Variants in ERC1 observed in about 807,000 individuals in gnomAD.
The protein encoded by ERC1 is RAB6 interacting protein 2.
ERC1 carries 56 observed loss-of-function variants against 132.0 expected under a neutral mutation model. That is an observed-to-expected ratio of 0.42 (90% CI 0.34 to 0.53). The LOEUF (loss-of-function observed/expected upper bound fraction) is 0.53. Ranked by LOEUF, ERC1 falls within the 20% of genes least tolerant of loss-of-function variation. ERC1 has a pLI of 0.03. For synonymous variants in ERC1, 478 were observed against 476.1 expected (o/e 1.00, Z -0.05); for missense variants, 1,202 against 1,349.9 (o/e 0.89, Z 1.72).
chr12:1,053,848 T>C lies in ERC1; in HGVS notation c.669+25276T>C, dbSNP rs1270128357. Among the ~76,000 whole-genome samples, 3 of 152,340 alleles carry C rather than the reference T, an allele frequency of 2.0e-5. No homozygotes were observed. In the East Asian group the frequency reaches 5.8e-4, roughly 29 times the overall value. On this transcript the variant is annotated intron_variant, in intron 2 of 18. Coordinates refer to ENST00000360905, the MANE Select transcript of ERC1 (RefSeq NM_178040.4). ...ATGAAAGCAAATACTTTGCAAATTA[T>C]GGTATGTTTGCTTCAGTTTTCAAAA...
chr12:1,451,656 T>A (rs1053708264), intron 18 of ERC1, among the ~76,000 whole-genome samples: 7 of 152,232 alleles, frequency 4.6e-5, no homozygotes, highest in African/African-American at 1.7e-4. Flanking sequence ...AAATAAATTT[T>A]AAAAAAGAAC....
At chr12:1,307,479 A>T (rs1394075485) in intron 15 of ERC1, among the ~76,000 whole-genome samples, 1 of 152,190 alleles carries the variant, frequency 6.6e-6, no homozygotes, top group East Asian at 1.9e-4. Context: ...CATTGGTTTG[A>T]AGGAGTTTTT....
At chr12:1,020,035 T>C (rs1966106025) in intron 1 of ERC1, among the ~76,000 whole-genome samples, 1 of 152,106 alleles carries the variant, frequency 6.6e-6, no homozygotes, top group Non-Finnish European at 1.5e-5. Context: ...ATTACAGGCA[T>C]GGGCCACTGT....
chr12:1,262,088 G>C (rs919708752), intron 13 of ERC1, among the ~76,000 whole-genome samples: 3 of 152,136 alleles, frequency 2.0e-5, no homozygotes, highest in African/African-American at 7.2e-5. Flanking sequence ...ATCTTTTCCT[G>C]ATATGAGTAC....
intron 2 of ERC1, among the ~76,000 whole-genome samples, chr12:1,061,435 TA>T (rs35881682): frequency 0.51 from 71,522 of 140,826 alleles, 19,360 homozygotes; most frequent in East Asian, 0.78. Context: ...GTCTCTACTA[TA>T]AAAAAAAAAA....
At chr12:1,447,037 A>G (rs1212598255) in intron 18 of ERC1, among the ~76,000 whole-genome samples, 1 of 151,880 alleles carries the variant, frequency 6.6e-6, no homozygotes, top group East Asian at 1.9e-4. Context: ...ACGAAAAAAA[A>G]AAAAAGGACA....
intron 15 of ERC1, among the ~76,000 whole-genome samples, chr12:1,328,932 G>T (rs1223472114): frequency 8.0e-6 from 1 of 125,376 alleles, no homozygotes; most frequent in Non-Finnish European, 1.7e-5. Context: ...TTTCATTCTT[G>T]GAACTTTTTA....
chr12:1,124,070 G>T (rs893043663), intron 7 of ERC1, among the ~76,000 whole-genome samples: 1 of 152,188 alleles, frequency 6.6e-6, no homozygotes, highest in Non-Finnish European at 1.5e-5. Context: ...ATGTGCTCCT[G>T]TCAGAATTTG....
chr12:1,316,648 G>A lies in ERC1; in HGVS notation c.2780+26636G>A, dbSNP rs1023246381. Among the ~76,000 whole-genome samples, 3 of 152,216 alleles carry A rather than the reference G, an allele frequency of 2.0e-5. No homozygotes were observed. The East Asian group carries it at 5.8e-4, about 29-fold the overall frequency. ...ATACTGTTGGTGGGAGTGTAAATTAGTTCAACCATTGTGGAAGACACTGTG... is the reference window on the plus strand; with the variant it reads ...ATACTGTTGGTGGGAGTGTAAATTAATTCAACCATTGTGGAAGACACTGTG... On this transcript the variant is annotated intron_variant, in intron 15 of 18. Transcript: ENST00000360905.
intron 16 of ERC1, among the ~76,000 whole-genome samples, chr12:1,377,252 C>G (rs1250183543): frequency 6.6e-6 from 1 of 152,202 alleles, no homozygotes; most frequent in East Asian, 1.9e-4. Context: ...TTTTCAGTCT[C>G]TCTTGTGGCA....
intron 12 of ERC1, among the ~76,000 whole-genome samples, chr12:1,236,407 C>G (rs2075415505): frequency 6.6e-6 from 1 of 152,116 alleles, no homozygotes; most frequent in South Asian, 2.1e-4. Context: ...CTTTTTCTAT[C>G]AGCCATTCTA....
intron 8 of ERC1, among the ~76,000 whole-genome samples, chr12:1,157,892 C>T (rs141099757): frequency 6.6e-6 from 1 of 152,328 alleles, no homozygotes; most frequent in East Asian, 1.9e-4. Flanking sequence ...TATGGCCCCA[C>T]ATTAACTCAA....
At chr12:1,206,044 C>T (rs1957326066) in intron 12 of ERC1, among the ~76,000 whole-genome samples, 1 of 152,114 alleles carries the variant, frequency 6.6e-6, no homozygotes, top group South Asian at 2.1e-4. Flanking sequence ...TACCCAGCAG[C>T]AAATGCCATT....
At chr12:1,082,852 A>T (rs1942429229) in intron 2 of ERC1, among the ~76,000 whole-genome samples, 1 of 152,088 alleles carries the variant, frequency 6.6e-6, no homozygotes, top group Non-Finnish European at 1.5e-5. Flanking sequence ...CATTTCCCAC[A>T]TTCCCTCAAA....
At chr12:1,376,419 G>A (rs1197298393) in intron 16 of ERC1, among the ~76,000 whole-genome samples, 5 of 152,168 alleles carry the variant, frequency 3.3e-5, no homozygotes, top group South Asian at 2.1e-4. Flanking sequence ...GTTACCTCCC[G>A]TTCTGGGTAT....
chr12:1,453,400 T>C, intron 18 of ERC1, among the ~76,000 whole-genome samples: 1 of 152,212 alleles, frequency 6.6e-6, no homozygotes, highest in African/African-American at 2.4e-5. Context: ...ATAGAGGCCA[T>C]GAAGGTTGCT....
At chr12:1,482,504 T>C (rs1304442380) in intron 18 of ERC1, among the ~76,000 whole-genome samples, 1 of 152,196 alleles carries the variant, frequency 6.6e-6, no homozygotes, top group East Asian at 1.9e-4. Flanking sequence ...TGGAGTGCAC[T>C]GGCGCGATCT....
intron 1 of ERC1, among the ~76,000 whole-genome samples, chr12:1,021,344 G>C (rs189072561): frequency 1.3e-5 from 2 of 152,096 alleles, no homozygotes; most frequent in Admixed American, 1.3e-4. Context: ...TTTGCAGCGG[G>C]CCACTTTGCG....
chr12:999,023 C>G (rs1367183337), intron 1 of ERC1, among the ~76,000 whole-genome samples: 1 of 152,004 alleles, frequency 6.6e-6, no homozygotes, highest in East Asian at 1.9e-4. Flanking sequence ...CCACACCCAG[C>G]TAATTTTTGT....
Sources: gnomAD v4.1 joint callset for allele counts (sites outside exome capture counted in the v4.1 genomes callset) on GRCh38, gnomAD v4.1.1 for gene constraint, MANE v1.5 for transcripts, NCBI Gene and HGNC (gene_info 2026-07-23, HGNC 2026-07-21) for gene names.